DCHS2: variants seen among roughly 807,000 people sequenced by gnomAD.
The protein encoded by DCHS2 is dachsous cadherin-related 2, also known as protocadherin-23.
DCHS2 carries 142 observed loss-of-function variants against 182.4 expected under a neutral mutation model. That is an observed-to-expected ratio of 0.78 (90% confidence interval 0.68 to 0.89). The LOEUF is 0.89. Ranked by LOEUF, DCHS2 falls within the 40% of genes least tolerant of loss-of-function variation. The pLI is 0.00. For missense variants in DCHS2, 4,319 were observed against 4,198.6 expected, an observed-to-expected ratio of 1.03 and a Z score of -0.79; for synonymous variants, 1,740 against 1,663.3, an observed-to-expected ratio of 1.05 and a Z score of -1.12.
chr4:154,232,617 T>G lies in DCHS2; in HGVS notation c.*1919A>C, dbSNP rs1267569760. 1 of 152,170 alleles carries G rather than the reference T, an allele frequency of 6.6e-6. No homozygotes were observed. The highest frequency in any genetic ancestry group is 6.6e-5 in the Admixed American group (1 of 15,260). 9.4% of individuals were successfully genotyped at this position (152,170 alleles called of 1,614,324 possible). Reference sequence around the variant, plus strand: ...AATAATTCTATTGTGAAAAGAAAACTTCCATATATAATTAGGAAAATATAG... The same window carrying G: ...AATAATTCTATTGTGAAAAGAAAACGTCCATATATAATTAGGAAAATATAG... On this transcript the variant is annotated 3_prime_UTR_variant, in exon 20 of 20. Coordinates refer to ENST00000357232, the MANE Select transcript of DCHS2 (RefSeq NM_001358235.2).
At chr4:154,450,554 C>T (rs1271358753) in intron 1 of DCHS2, among the ~76,000 whole-genome samples, 2 of 152,116 alleles carry the variant, frequency 1.3e-5, no homozygotes, top group Admixed American at 6.5e-5. Flanking sequence ...AGGAGCCAGC[C>T]GGGCAGGGTG....
intron 3 of DCHS2, among the ~76,000 whole-genome samples, chr4:154,362,719 G>A (rs781097237): frequency 4.6e-5 from 7 of 151,968 alleles, no homozygotes; most frequent in Non-Finnish European, 7.4e-5. Context: ...CGACACCCAC[G>A]AGACCGAAAG....
chr4:154,236,779 T>C lies in DCHS2; in HGVS notation c.7873A>G (p.Arg2625Gly), dbSNP rs1347933449. 2.5e-6 allele frequency: 4 copies of C among 1,614,028 alleles called. No homozygotes were observed. ...AGCTCATGGCTAGCACTTGCTTCTC[T>C]GTCCAGACTGTGAAGCAACACAAGA... is the stretch of plus-strand genomic sequence containing the variant. ...GYLVLLHSLD[R>G]EASASHELVI... Residue 2625 changes from arginine to glycine, a missense_variant, in exon 20 of 20, where the codon AGA becomes GGA. Transcript: ENST00000357232.
At chr4:154,312,266 C>A (rs906592103) in intron 10 of DCHS2, among the ~76,000 whole-genome samples, 3 of 152,314 alleles carry the variant, frequency 2.0e-5, no homozygotes, top group Non-Finnish European at 2.9e-5. Flanking sequence ...CCAGTAAGAT[C>A]GGCTTGTGCT....
chr4:154,273,538 A>AG (rs1209238704), intron 13 of DCHS2, among the ~76,000 whole-genome samples: 35 of 152,144 alleles, frequency 2.3e-4, no homozygotes, highest in African/African-American at 7.0e-4. Flanking sequence ...CCAAAATCTC[A>AG]GAAATCACCA....
chr4:154,320,312 T>C, intron 9 of DCHS2, 67 bp downstream of exon 9: 1 of 1,535,816 alleles, frequency 6.5e-7, no homozygotes, highest in Non-Finnish European at 8.7e-7. Flanking sequence ...GTTAGGAGGG[T>C]GGGTCTCATG....
At chr4:154,307,858 T>A (rs2111306506) in intron 10 of DCHS2, among the ~76,000 whole-genome samples, 1 of 152,214 alleles carries the variant, frequency 6.6e-6, no homozygotes, top group South Asian at 2.1e-4. Flanking sequence ...CACTTCCCTT[T>A]CCATTTCCCA....
At position 154,491,080 on chromosome 4, in the gene DCHS2, G is replaced by A. The variant is rs753022205; in HGVS notation, c.276C>T (p.Ala92=). The change falls in exon 1 of 20, where the codon GCC becomes GCT. Residue 92 remains alanine, a synonymous_variant. Coordinates refer to ENST00000357232, the MANE Select transcript of DCHS2 (RefSeq NM_001358235.2). Reference sequence around the variant, plus strand: ...AGCCGCTCCCCTCCTGCTGCTGCGCGGCCGGCAGCCCGGCGCGGATGTCAC... The same window carrying A: ...AGCCGCTCCCCTCCTGCTGCTGCGCAGCCGGCAGCCCGGCGCGGATGTCAC... ...LVGDIRAGLP[A]AQQQEGSGFF... The A allele has an allele frequency of 6.4e-7, 1 of 1,551,218 alleles. No homozygotes were observed. Among genetic ancestry groups the A allele is most frequent in the Non-Finnish European group, 8.7e-7 (1 of 1,146,946 alleles).
intron 1 of DCHS2, among the ~76,000 whole-genome samples, chr4:154,419,913 AG>A (rs1349225205): frequency 1.3e-5 from 2 of 151,874 alleles, no homozygotes; most frequent in Non-Finnish European, 2.9e-5. Context: ...GGACATATAT[AG>A]GCAGGGAGGA....
intron 14 of DCHS2, among the ~76,000 whole-genome samples, chr4:154,264,613 G>A (rs1456087968): frequency 6.6e-6 from 1 of 152,172 alleles, no homozygotes; most frequent in Non-Finnish European, 1.5e-5. Flanking sequence ...TGGGATGCCA[G>A]AAGCCAGTAG....
chr4:154,312,563 A>G (rs1735708118), intron 10 of DCHS2, among the ~76,000 whole-genome samples: 1 of 152,218 alleles, frequency 6.6e-6, no homozygotes, highest in Non-Finnish European at 1.5e-5. Flanking sequence ...AAAATAAAAC[A>G]CAAATAAATA....
intron 2 of DCHS2, among the ~76,000 whole-genome samples, chr4:154,366,803 T>C (rs751834467): frequency 3.9e-5 from 6 of 152,160 alleles, no homozygotes; most frequent in Non-Finnish European, 7.3e-5. Context: ...GAGGCAAAAA[T>C]TTCAGAGTAG....
intron 1 of DCHS2, among the ~76,000 whole-genome samples, chr4:154,437,444 T>C (rs542274024): frequency 6.6e-6 from 1 of 152,322 alleles, no homozygotes; most frequent in African/African-American, 2.4e-5. Flanking sequence ...TAGGCTTTCT[T>C]TGGGTAGAGA....
In DCHS2 at chr4:154,437,091, T is replaced by G. The variant is rs554917455; in HGVS notation, c.2052+52213A>C. 3.3e-5 allele frequency among the ~76,000 whole-genome samples: 5 copies of G among 152,288 alleles called. No homozygotes were observed. In the East Asian group the frequency reaches 9.7e-4, roughly 29 times the overall value. ...GCTGATTTAGTTCCTGCATTCAAGT[T>G]AGGCCTCCTTGGCTCCTTTTCAGTT... On this transcript the variant is annotated intron_variant, in intron 1 of 19. Transcript: ENST00000357232.
rs778527177 is a variant in DCHS2, at chr4:154,332,979, C to T, written c.3229G>A (p.Glu1077Lys). The part of the protein sequence containing the change: ...LVLTVVIEKR[E>K]HSPSWTFEHL... ...TCGAAAGTCCAGGATGGGCTGTGTT[C>T]GCGTTTCTCGATAACGACTGTCAGC... is the stretch of plus-strand genomic sequence containing the variant. Residue 1077 changes from glutamate to lysine, a missense_variant, in exon 5 of 20, where the codon GAA becomes AAA. Coordinates refer to ENST00000357232, the MANE Select transcript of DCHS2 (RefSeq NM_001358235.2). 6.2e-7 allele frequency: 1 copy of T among 1,614,134 alleles called. No individual in the cohort carries two copies. The highest frequency in any genetic ancestry group is 8.5e-7 in the Non-Finnish European group (1 of 1,180,012).
At chr4:154,397,580 C>T (rs577783371) in intron 1 of DCHS2, among the ~76,000 whole-genome samples, 1 of 152,192 alleles carries the variant, frequency 6.6e-6, no homozygotes, top group South Asian at 2.1e-4. Context: ...ATACCGTGTC[C>T]CTGGTTTTTC....
intron 1 of DCHS2, among the ~76,000 whole-genome samples, chr4:154,414,252 T>A (rs951740598): frequency 2.1e-4 from 32 of 151,834 alleles, no homozygotes; most frequent in African/African-American, 7.7e-4. Context: ...TCTTTATGTT[T>A]AGAAGAAGAT....
chr4:154,384,769 G>T (rs540330102), intron 1 of DCHS2, among the ~76,000 whole-genome samples: 2 of 152,054 alleles, frequency 1.3e-5, no homozygotes, highest in South Asian at 4.2e-4. Context: ...AAGGAACACC[G>T]ACAGCCACCA....
intron 13 of DCHS2, among the ~76,000 whole-genome samples, chr4:154,279,214 CA>C (rs1400608225): frequency 2.7e-5 from 4 of 150,748 alleles, no homozygotes; most frequent in Admixed American, 1.3e-4. Flanking sequence ...ATAGTAACCA[CA>C]AAGAAAATAT....
Sources: allele counts gnomAD v4.1 joint callset (sites outside exome capture counted in the v4.1 genomes callset), GRCh38; gene constraint gnomAD v4.1.1; transcripts MANE v1.5; gene names NCBI Gene and HGNC (gene_info 2026-07-23, HGNC 2026-07-21).